NBEA: variants seen among roughly 807,000 people sequenced by gnomAD.
NBEA encodes the protein neurobeachin, also known as lysosomal-trafficking regulator 2.
In NBEA, 44 loss-of-function variants were observed where a neutral mutation model predicts 343.4. The ratio of observed to expected loss-of-function variants is 0.13; its 90% CI spans 0.10 to 0.16. The LOEUF is 0.16. NBEA is among the 10% of genes least tolerant of loss of function. The probability of loss-of-function intolerance (pLI) is 1.00; values close to 1 mark genes in which losing one functional copy is unlikely to be tolerated. For synonymous variants in NBEA, 1,175 were observed against 1,238.7 expected (o/e 0.95, Z 1.08); for missense variants, 2,555 against 3,631.3 (o/e 0.70, Z 7.62).
intron 41 of NBEA, among the ~76,000 whole-genome samples, chr13:35,506,279 G>A (rs1425608474): frequency 1.3e-5 from 2 of 152,030 alleles, no homozygotes. Flanking sequence ...TTGTTGCCCA[G>A]GCTAGTCTTG....
At chr13:35,284,114 G>T (rs369492967) in intron 34 of NBEA, among the ~76,000 whole-genome samples, 27 of 151,994 alleles carry the variant, frequency 1.8e-4, no homozygotes, top group Non-Finnish European at 3.2e-4. Context: ...GGCTACCTTT[G>T]TACCACATGC....
At chr13:35,278,092 AATATAT>A (rs979139312) in intron 34 of NBEA, among the ~76,000 whole-genome samples, 22 of 147,738 alleles carry the variant, frequency 1.5e-4, no homozygotes, top group Non-Finnish European at 3.0e-4. Context: ...CATCTCAAAA[AATATAT>A]ATATATATAA....
At chr13:35,293,447 G>A (rs905231088) in intron 35 of NBEA, among the ~76,000 whole-genome samples, 20 of 151,656 alleles carry the variant, frequency 1.3e-4, no homozygotes, top group African/African-American at 4.8e-4. Flanking sequence ...GTTGTTAGTA[G>A]CATTTTAAAA....
At chr13:35,109,155 C>T in intron 11 of NBEA, 135 bp from the exon 12 acceptor site, 1 of 758,104 alleles carries the variant, frequency 1.3e-6, no homozygotes, top group Non-Finnish European at 1.9e-6. Context: ...ATTTTAATAG[C>T]AAAGAAAACA....
At chr13:35,447,559 TA>T (rs2046112541) in intron 39 of NBEA, among the ~76,000 whole-genome samples, 1 of 152,124 alleles carries the variant, frequency 6.6e-6, no homozygotes, top group African/African-American at 2.4e-5. Context: ...TCACATGATG[TA>T]GAAAATAACA....
At position 35,118,310 on chromosome 13, in the gene NBEA, T is replaced by A; in HGVS notation, c.2145+20T>A. The A allele has an allele frequency of 6.4e-7, 1 of 1,562,466 alleles. No individual in the cohort carries two copies. Among genetic ancestry groups the A allele is most frequent in the Non-Finnish European group, 8.7e-7 (1 of 1,151,276 alleles). On this transcript the variant is annotated intron_variant, in intron 15 of 58. Coordinates refer to ENST00000379939, the MANE Select transcript of NBEA (RefSeq NM_001385012.1). ...CATGAGGTAGGACATGTTATGGGCCTTTTATTTTAATTATTTAAGCCAATC... is the reference window on the plus strand; with the variant it reads ...CATGAGGTAGGACATGTTATGGGCCATTTATTTTAATTATTTAAGCCAATC...
At position 35,542,393 on chromosome 13, in the gene NBEA, A is replaced by G. The variant is rs776728621; in HGVS notation, c.6586-8084A>G. Among the ~76,000 whole-genome samples the G allele has an allele frequency of 5.9e-5, 9 of 152,226 alleles. No homozygotes were observed. In the South Asian group the frequency reaches 1.9e-3, roughly 32 times the overall value. On this transcript the variant is annotated intron_variant, in intron 41 of 58. Coordinates refer to ENST00000379939, the MANE Select transcript of NBEA (RefSeq NM_001385012.1). ...TTTATATTACTGAATTATTTTCATC[A>G]GGATTAATTCTTTTCCATGTAAGTT...
intron 1 of NBEA, among the ~76,000 whole-genome samples, chr13:35,023,884 G>A (rs889633894): frequency 6.6e-6 from 1 of 152,244 alleles, no homozygotes; most frequent in African/African-American, 2.4e-5. Flanking sequence ...TGGGTAAATT[G>A]TGTGTCTTTG....
intron 36 of NBEA, among the ~76,000 whole-genome samples, chr13:35,346,902 A>G (rs975520446): frequency 6.6e-6 from 1 of 152,128 alleles, no homozygotes; most frequent in Non-Finnish European, 1.5e-5. Context: ...CTCAGTATTT[A>G]CATTACCACC....
intron 38 of NBEA, among the ~76,000 whole-genome samples, chr13:35,363,843 A>G (rs1234413248): frequency 6.6e-6 from 1 of 151,960 alleles, no homozygotes; most frequent in African/African-American, 2.4e-5. Flanking sequence ...TAATGAACAG[A>G]AAACATAAAT....
chr13:35,651,752 C>T, intron 52 of NBEA, 53 bp from the exon 53 acceptor site: 1 of 1,070,696 alleles, frequency 9.3e-7, no homozygotes, highest in South Asian at 1.4e-5. Context: ...ATTAGGAAAT[C>T]CCTTCTTTCT....
At chr13:35,367,915 C>A (rs531189120) in intron 38 of NBEA, among the ~76,000 whole-genome samples, 2 of 151,514 alleles carry the variant, frequency 1.3e-5, no homozygotes, top group African/African-American at 4.8e-5. Flanking sequence ...ACGAAGTGGA[C>A]AACTAACAAA....
At chr13:35,336,288 C>T (rs115015205) in intron 36 of NBEA, among the ~76,000 whole-genome samples, 3,148 of 152,050 alleles carry the variant, frequency 0.021, 39 homozygotes, top group African/African-American at 0.024. Flanking sequence ...TTAAAAAGTA[C>T]GACCCACACA....
intron 46 of NBEA, among the ~76,000 whole-genome samples, chr13:35,590,265 A>C (rs929981982): frequency 3.3e-5 from 5 of 152,132 alleles, no homozygotes; most frequent in African/African-American, 1.2e-4. Flanking sequence ...ATCAATACTT[A>C]CTTATAAACA....
chr13:35,078,009 A>G (rs183901319), intron 10 of NBEA, among the ~76,000 whole-genome samples: 738 of 152,298 alleles, frequency 4.8e-3, no homozygotes, highest in Non-Finnish European at 8.2e-3. Flanking sequence ...TGAATTAGGG[A>G]GGAGATTTAA....
At chr13:35,647,589 G>A (rs1977319) in intron 51 of NBEA, among the ~76,000 whole-genome samples, 122,718 of 151,840 alleles carry the variant, frequency 0.81, 49,925 homozygotes, top group East Asian at 0.89. Context: ...GTTGTTTTGA[G>A]ACAGAATCTC....
intron 1 of NBEA, among the ~76,000 whole-genome samples, chr13:35,018,281 A>G (rs1420512603): frequency 6.6e-6 from 1 of 152,130 alleles, no homozygotes; most frequent in African/African-American, 2.4e-5. Context: ...TGATTTTTCT[A>G]ACAAAAAACC....
At chr13:35,608,672 C>T (rs6563043) in intron 48 of NBEA, among the ~76,000 whole-genome samples, 33,934 of 152,052 alleles carry the variant, frequency 0.22, 3,982 homozygotes, top group Non-Finnish European at 0.24. Context: ...AAGTCCAAAC[C>T]AGTCAAACTG....
chr13:35,552,830 CTATG>C (rs1453880585), intron 43 of NBEA, among the ~76,000 whole-genome samples: 1 of 152,070 alleles, frequency 6.6e-6, no homozygotes, highest in Non-Finnish European at 1.5e-5. Context: ...TATTTCTTAC[CTATG>C]ATGAGTATTG....
Sources: allele counts gnomAD v4.1 joint callset (sites outside exome capture counted in the v4.1 genomes callset), GRCh38; gene constraint gnomAD v4.1.1; transcripts MANE v1.5; gene names NCBI Gene and HGNC (gene_info 2026-07-23, HGNC 2026-07-21).